UNC13C: variants seen among roughly 807,000 people sequenced by gnomAD.
UNC13C encodes the protein unc-13 homolog C.
A neutral mutation model predicts 245.4 loss-of-function variants in UNC13C; 174 were observed. That is an observed-to-expected ratio of 0.71 (90% CI 0.63 to 0.80). UNC13C has a LOEUF of 0.80. Among genes scored for constraint, UNC13C ranks in the 30% least tolerant of loss-of-function variants. The probability of loss-of-function intolerance (pLI) is 0.00; values close to 1 mark genes in which losing one functional copy is unlikely to be tolerated. For missense variants in UNC13C, 2,829 were observed against 2,602.9 expected (o/e 1.09, Z -1.89); for synonymous variants, 992 against 895.1 (o/e 1.11, Z -1.93).
At chr15:54,009,616 G>A (rs1895293459) in intron 1 of UNC13C, among the ~76,000 whole-genome samples, 1 of 150,372 alleles carries the variant, frequency 6.7e-6, no homozygotes, top group Admixed American at 6.6e-5. Flanking sequence ...GCGTGATCTC[G>A]GCTTACTGCA....
chr15:54,142,238 C>A (rs2032056205), intron 2 of UNC13C, among the ~76,000 whole-genome samples: 1 of 152,088 alleles, frequency 6.6e-6, no homozygotes, highest in African/African-American at 2.4e-5. Flanking sequence ...AGTAGCTGGA[C>A]CTGGAAAATG....
intron 2 of UNC13C, among the ~76,000 whole-genome samples, chr15:54,126,388 T>G (rs1346151395): frequency 6.6e-6 from 1 of 152,102 alleles, no homozygotes; most frequent in Non-Finnish European, 1.5e-5. Flanking sequence ...AGGCACATTA[T>G]ATAATGATAT....
intron 28 of UNC13C, among the ~76,000 whole-genome samples, chr15:54,552,368 TTA>T (rs1339353470): frequency 9.1e-6 from 1 of 109,856 alleles, no homozygotes; most frequent in Admixed American, 1.4e-4. Context: ...ACAATGTATA[TTA>T]TATATTACAG....
the UNC13C span, among the ~76,000 whole-genome samples, chr15:53,963,621 A>T: frequency 2.6e-5 from 4 of 152,210 alleles, no homozygotes; most frequent in African/African-American, 9.6e-5. Flanking sequence ...CCTGGGAAAC[A>T]GTAGACACTG....
chr15:54,551,496 C>T (rs901184013), intron 28 of UNC13C, among the ~76,000 whole-genome samples: 3 of 151,942 alleles, frequency 2.0e-5, no homozygotes, highest in Admixed American at 6.6e-5. Context: ...AGACTGGTTC[C>T]CTAGAGGGTA....
At chr15:53,840,122 T>A in the UNC13C span, among the ~76,000 whole-genome samples, 1 of 152,128 alleles carries the variant, frequency 6.6e-6, no homozygotes, top group Non-Finnish European at 1.5e-5. Flanking sequence ...AGATTCCAAT[T>A]CCTTCAACAC....
intron 2 of UNC13C, among the ~76,000 whole-genome samples, chr15:54,059,016 A>G (rs958434711): frequency 2.6e-5 from 4 of 152,154 alleles, no homozygotes; most frequent in Non-Finnish European, 4.4e-5. Context: ...TACTGAATGG[A>G]CAAAAACTGG....
Position 54,009,546 on chromosome 15 carries a change from TC to T in UNC13C, c.-256-3101del, listed in dbSNP as rs1411855174. Among the ~76,000 whole-genome samples the T allele has an allele frequency of 2.2e-3, 302 of 135,390 alleles. 1 individual carries two copies. Among genetic ancestry groups the T allele is most frequent in the African/African-American group, 8.1e-3 (276 of 34,132 alleles). 88.8% of individuals were successfully genotyped at this position (135,390 alleles called of 152,430 possible). A position where few individuals can be genotyped will look rare whatever the true frequency, so the allele number is the denominator to read the frequency against. The stretch of plus-strand genomic sequence containing the variant: ...AGGAAAGTAATTTTCTTCTTCTTCT[TC>T]TTCTTTTTTTTTTTTGTTGAGATGA... On this transcript the variant is annotated intron_variant, in intron 1 of 32. Coordinates refer to ENST00000260323, the MANE Select transcript of UNC13C (RefSeq NM_001080534.3).
chr15:54,045,432 A>T (rs1260154812), intron 2 of UNC13C, among the ~76,000 whole-genome samples: 1 of 152,164 alleles, frequency 6.6e-6, no homozygotes, highest in African/African-American at 2.4e-5. Flanking sequence ...CCTGAATAAT[A>T]CAATTGCTCT....
chr15:53,960,647 T>G, the UNC13C span, among the ~76,000 whole-genome samples: 1 of 152,170 alleles, frequency 6.6e-6, no homozygotes, highest in Non-Finnish European at 1.5e-5. Context: ...AACTAACCAC[T>G]CTGACAACCT....
At chr15:54,271,935 A>G (rs2036698265) in intron 10 of UNC13C, among the ~76,000 whole-genome samples, 1 of 152,188 alleles carries the variant, frequency 6.6e-6, no homozygotes, top group African/African-American at 2.4e-5. Context: ...AGTGACCGTT[A>G]TATGTAAAGC....
the UNC13C span, among the ~76,000 whole-genome samples, chr15:53,895,552 A>T: frequency 4.6e-5 from 7 of 152,164 alleles, no homozygotes; most frequent in Non-Finnish European, 5.9e-5. Flanking sequence ...TAATTAAAAG[A>T]TATCCCAGCT....
At chr15:54,431,851 A>G (rs72734802) in intron 19 of UNC13C, among the ~76,000 whole-genome samples, 22,011 of 151,492 alleles carry the variant, frequency 0.15, 1,647 homozygotes, top group Non-Finnish European at 0.17. Context: ...ACATTAATCA[A>G]TTTTTACATT....
At chr15:54,071,904 C>T (rs1197074618) in intron 2 of UNC13C, among the ~76,000 whole-genome samples, 1 of 152,080 alleles carries the variant, frequency 6.6e-6, no homozygotes. Context: ...CTGCTGGTCA[C>T]GATGTCTCTT....
At chr15:54,260,732 A>G (rs185548729) in intron 8 of UNC13C, among the ~76,000 whole-genome samples, 58 of 148,784 alleles carry the variant, frequency 3.9e-4, no homozygotes, top group African/African-American at 1.4e-3. Context: ...ATATAACTTT[A>G]TATATGTTTT....
chr15:53,840,978 C>T, the UNC13C span, among the ~76,000 whole-genome samples: 1 of 152,126 alleles, frequency 6.6e-6, no homozygotes, highest in East Asian at 1.9e-4. Context: ...GAGGGTTATT[C>T]TGGCTCAAAG....
At chr15:54,060,878 A>G (rs1897791073) in intron 2 of UNC13C, among the ~76,000 whole-genome samples, 1 of 152,108 alleles carries the variant, frequency 6.6e-6, no homozygotes, top group South Asian at 2.1e-4. Flanking sequence ...ACAAAAAACC[A>G]AACACCGCAG....
chr15:54,451,654 A>G (rs1567284805), intron 19 of UNC13C, among the ~76,000 whole-genome samples: 1 of 152,010 alleles, frequency 6.6e-6, no homozygotes. Context: ...TCTCATTTAT[A>G]TCCTGAATTG....
intron 4 of UNC13C, among the ~76,000 whole-genome samples, chr15:54,162,692 G>T (rs1464206665): frequency 6.6e-6 from 1 of 152,044 alleles, no homozygotes; most frequent in Non-Finnish European, 1.5e-5. Context: ...TCCTTCCATT[G>T]CATACAATAC....
Sources: gnomAD v4.1 joint callset for allele counts (sites outside exome capture counted in the v4.1 genomes callset) on GRCh38, gnomAD v4.1.1 for gene constraint, MANE v1.5 for transcripts, NCBI Gene and HGNC (gene_info 2026-07-23, HGNC 2026-07-21) for gene names.